Variants in OR2M3 observed in about 807,000 individuals in gnomAD.
OR2M3 encodes the protein olfactory receptor family 2 subfamily M member 3.
In OR2M3, 1 loss-of-function variant was observed where a neutral mutation model predicts 4.3. The observed-to-expected ratio is 0.23, with a 90% CI of 0.08 to 1.11. The LOEUF is 1.11. Among genes scored for constraint, OR2M3 ranks in the 50% most tolerant of loss-of-function variants. The pLI is 0.54. For missense variants in OR2M3, 410 were observed against 390.4 expected (o/e 1.05, Z -0.42); for synonymous variants, 151 against 139.4 (o/e 1.08, Z -0.59).
intron 1 of OR2M3, among the ~76,000 whole-genome samples, chr1:248,201,802 G>T (rs1044584285): frequency 6.6e-6 from 1 of 152,034 alleles, no homozygotes; most frequent in Non-Finnish European, 1.5e-5. Flanking sequence ...TGCATAGAAT[G>T]ATGAGGCTGC....
In OR2M3 at chr1:248,208,753, C is replaced by G. The variant is rs958729564; in HGVS notation, c.*4747C>G. On this transcript the variant is annotated 3_prime_UTR_variant, in exon 2 of 2. Coordinates refer to ENST00000641626, the MANE Select transcript of OR2M3 (RefSeq NM_001004689.2). ...CAGGTTACCTGATGCTTTTCTCTCACGGCTGACATTTTTTCCTTTGCCTTG... is the reference window on the plus strand; with the variant it reads ...CAGGTTACCTGATGCTTTTCTCTCAGGGCTGACATTTTTTCCTTTGCCTTG... 2 of 152,118 alleles carry G rather than the reference C, an allele frequency of 1.3e-5. No individual in the cohort carries two copies. Among genetic ancestry groups the G allele is most frequent in the Admixed American group, 6.6e-5 (1 of 15,262 alleles). 9.4% of individuals were successfully genotyped at this position (152,118 alleles called of 1,614,324 possible).
intron 1 of OR2M3, among the ~76,000 whole-genome samples, chr1:248,199,071 A>G (rs1302946541): frequency 6.6e-6 from 1 of 152,170 alleles, no homozygotes; most frequent in Non-Finnish European, 1.5e-5. Context: ...ATACATAAAA[A>G]TAATTTTTAA....
intron 1 of OR2M3, among the ~76,000 whole-genome samples, chr1:248,201,728 GAA>G (rs1384044397): frequency 6.6e-6 from 1 of 151,934 alleles, no homozygotes; most frequent in Non-Finnish European, 1.5e-5. Context: ...AGTTTACTGA[GAA>G]TGATGATTTC....
At chr1:248,202,057 T>C (rs1666163726) in intron 1 of OR2M3, among the ~76,000 whole-genome samples, 1 of 152,144 alleles carries the variant, frequency 6.6e-6, no homozygotes, top group African/African-American at 2.4e-5. Context: ...CAATACAGTA[T>C]CACAAACTGG....
Position 248,212,739 on chromosome 1 carries a change from G to C in OR2M3, c.*8733G>C, listed in dbSNP as rs1666294468. ...GCTGGCTATGAAAAACAGAAACCAGGCTCCTGTCTTTGTTTCCAGTCTCAC... is the reference window on the plus strand; with the variant it reads ...GCTGGCTATGAAAAACAGAAACCAGCCTCCTGTCTTTGTTTCCAGTCTCAC... On this transcript the variant is annotated 3_prime_UTR_variant, in exon 2 of 2. Transcript: ENST00000641626. 1 of 151,828 alleles carries C rather than the reference G, an allele frequency of 6.6e-6. No homozygotes were observed. The highest frequency in any genetic ancestry group is 2.4e-5 in the African/African-American group (1 of 41,334). The allele number at this position is 151,828 out of a possible 1,614,324, so 9.4% of individuals were successfully genotyped here.
rs1666211511 is a variant in OR2M3, at chr1:248,205,138, A to G, written c.*1132A>G. 6.6e-6 allele frequency: 1 copy of G among 151,628 alleles called. No individual in the cohort carries two copies. The highest frequency in any genetic ancestry group is 1.9e-4 in the East Asian group (1 of 5,178). The allele number at this position is 151,628 out of a possible 1,614,324, so 9.4% of individuals were successfully genotyped here. The stretch of plus-strand genomic sequence containing the variant: ...CCTAGGCCCACTTTTTGATGGGATC[A>G]TTTGTTTTCTTCTTGCTGATTTGTT... On this transcript the variant is annotated 3_prime_UTR_variant, in exon 2 of 2. Coordinates refer to ENST00000641626, the MANE Select transcript of OR2M3 (RefSeq NM_001004689.2).
Position 248,204,099 on chromosome 1 carries a change from T to G in OR2M3, c.*93T>G. On this transcript the variant is annotated 3_prime_UTR_variant, in exon 2 of 2. Coordinates refer to ENST00000641626, the MANE Select transcript of OR2M3 (RefSeq NM_001004689.2). ...TAAGCCTTGAAAATGGGATTCATTG[T>G]GTACATAAATCTGCAATGACATATT... The G allele has an allele frequency of 1.7e-6, 2 of 1,209,552 alleles. No individual in the cohort carries two copies. The highest frequency in any genetic ancestry group is 2.4e-6 in the Non-Finnish European group (2 of 834,056). 74.9% of individuals were successfully genotyped at this position (1,209,552 alleles called of 1,614,324 possible).
At position 248,203,306 on chromosome 1, in the gene OR2M3, A is replaced by G; in HGVS notation, c.239A>G (p.Lys80Arg). The G allele has an allele frequency of 6.2e-7, 1 of 1,614,072 alleles. No homozygotes were observed. Among genetic ancestry groups the G allele is most frequent in the Non-Finnish European group, 8.5e-7 (1 of 1,180,000 alleles). Reference sequence around the variant, plus strand: ...ATGCTCATCTGCACCACCGTACCCAAGATGGCCTTCAACTACCTGTCTGGC... The same window carrying G: ...ATGCTCATCTGCACCACCGTACCCAGGATGGCCTTCAACTACCTGTCTGGC... ...DLMLICTTVPKMAFNYLSGSK... is the reference protein window; with the variant it reads ...DLMLICTTVPRMAFNYLSGSK... The change falls in exon 2 of 2, where the codon AAG becomes AGG. Residue 80 changes from lysine to arginine, a missense_variant. Coordinates refer to ENST00000641626, the MANE Select transcript of OR2M3 (RefSeq NM_001004689.2).
In OR2M3 at chr1:248,197,925, AT is replaced by A. The variant is rs376040720; in HGVS notation, c.-19+625del. Among the ~76,000 whole-genome samples the A allele has an allele frequency of 2.6e-4, 40 of 152,208 alleles. No homozygotes were observed. In the East Asian group the frequency reaches 5.4e-3, roughly 21 times the overall value. ...TTACACTTGGTTCTATTCCAAAAAA[AT>A]CTCATTATTAGCTATGCAGATATTC... On this transcript the variant is annotated intron_variant, in intron 1 of 1. Transcript: ENST00000641626.
Position 248,203,830 on chromosome 1 carries a change from G to A in OR2M3, c.763G>A (p.Ala255Thr), listed in dbSNP as rs1256475831. 1 of 1,613,376 alleles carries A rather than the reference G, an allele frequency of 6.2e-7. No individual in the cohort carries two copies. Among genetic ancestry groups the A allele is most frequent in the African/African-American group, 1.3e-5 (1 of 74,806 alleles). ...GGTGGTGGGAATGTACTATGGAGCA[G>A]CTTTGTTCATGTACATACGGCCCAC... ...LLVVGMYYGA[A>T]LFMYIRPTSD... The change falls in exon 2 of 2, where the codon GCT (alanine) becomes ACT (threonine). Residue 255 changes from alanine (A) to threonine (T), a missense_variant. By Grantham distance (58) the Ala-to-Thr change is moderately conservative. Coordinates refer to ENST00000641626, the MANE Select transcript of OR2M3 (RefSeq NM_001004689.2).
rs1488702916 is a variant in OR2M3, at chr1:248,206,459, C to A, written c.*2453C>A. 1 of 151,458 alleles carries A rather than the reference C, an allele frequency of 6.6e-6. No homozygotes were observed. Among genetic ancestry groups the A allele is most frequent in the African/African-American group, 2.4e-5 (1 of 41,310 alleles). The allele number at this position is 151,458 out of a possible 1,614,324, so 9.4% of individuals were successfully genotyped here. A position where few individuals can be genotyped will look rare whatever the true frequency, so the allele number is the denominator to read the frequency against. ...ATTTCTCATAGAAGGCTTTGATTAC[C>A]TTAACGTCACCTCTATGTCCCTTCG... On this transcript the variant is annotated 3_prime_UTR_variant, in exon 2 of 2. Transcript: ENST00000641626.
rs4328104 is a variant in OR2M3, at chr1:248,210,024, A to G, written c.*6018A>G. On this transcript the variant is annotated 3_prime_UTR_variant, in exon 2 of 2. Transcript: ENST00000641626. Reference sequence around the variant, plus strand: ...GGCTTGCTGCTGCTGCTGCTGTGGCAGATGGGGGTGTGGTTTCCAGTCCAT... The same window carrying G: ...GGCTTGCTGCTGCTGCTGCTGTGGCGGATGGGGGTGTGGTTTCCAGTCCAT... 125,156 of 152,724 alleles carry G rather than the reference A, an allele frequency of 0.82. 51,612 individuals carry two copies. Among genetic ancestry groups the G allele is most frequent in the African/African-American group, 0.91 (37,733 of 41,480 alleles). 9.5% of individuals were successfully genotyped at this position (152,724 alleles called of 1,614,324 possible). A position where few individuals can be genotyped will look rare whatever the true frequency, so the allele number is the denominator to read the frequency against.
In OR2M3 at chr1:248,212,588, T is replaced by A. The variant is rs1666293058; in HGVS notation, c.*8582T>A. ...TTTCTAACTTAGTTTTTTTTTCTTT[T>A]TCTTGGTCTGGTATTAAAGAAGCAT... On this transcript the variant is annotated 3_prime_UTR_variant, in exon 2 of 2. Coordinates refer to ENST00000641626, the MANE Select transcript of OR2M3 (RefSeq NM_001004689.2). 1 of 152,068 alleles carries A rather than the reference T, an allele frequency of 6.6e-6. No homozygotes were observed. The highest frequency in any genetic ancestry group is 6.5e-5 in the Admixed American group (1 of 15,272). 9.4% of individuals were successfully genotyped at this position (152,068 alleles called of 1,614,324 possible). A position where few individuals can be genotyped will look rare whatever the true frequency, so the allele number is the denominator to read the frequency against.
At position 248,203,895 on chromosome 1, in the gene OR2M3, A is replaced by G. The variant is rs774122062; in HGVS notation, c.828A>G (p.Val276=). 29 of 1,613,774 alleles carry G rather than the reference A, an allele frequency of 1.8e-5. No individual in the cohort carries two copies. In the African/African-American group the frequency reaches 3.3e-4, roughly 19 times the overall value. ...CAACACAGGACAAGATGGTGTCTGT[A>G]TTCTACACCATCCTCACTCCCATGT... ...RSPTQDKMVS[V]FYTILTPMLN... The change falls in exon 2 of 2, where the codon GTA becomes GTG. Residue 276 remains valine (V), a synonymous_variant. Coordinates refer to ENST00000641626, the MANE Select transcript of OR2M3 (RefSeq NM_001004689.2).
chr1:248,202,969 A>G (rs892844353), intron 1 of OR2M3, 81 bp from the exon 2 acceptor site: 1 of 1,267,756 alleles, frequency 7.9e-7, no homozygotes. Context: ...TCACCCAACT[A>G]CAGAAGTTAC....
At chr1:248,201,928 G>A (rs1009561921) in intron 1 of OR2M3, among the ~76,000 whole-genome samples, 21 of 152,104 alleles carry the variant, frequency 1.4e-4, no homozygotes, top group Admixed American at 5.2e-4. Context: ...TGGTCAACAC[G>A]TAGCCAGGCT....
In OR2M3 at chr1:248,211,693, T is replaced by C. The variant is rs1195160811; in HGVS notation, c.*7687T>C. ...GGGCCTGCTAATCTCTCAGGGCCCA[T>C]GCGAAATCTATCTCAATCAAAAGTG... On this transcript the variant is annotated 3_prime_UTR_variant, in exon 2 of 2. Coordinates refer to ENST00000641626, the MANE Select transcript of OR2M3 (RefSeq NM_001004689.2). 1 of 152,190 alleles carries C rather than the reference T, an allele frequency of 6.6e-6. No homozygotes were observed. The highest frequency in any genetic ancestry group is 2.4e-5 in the African/African-American group (1 of 41,528). The allele number at this position is 152,190 out of a possible 1,614,324, so 9.4% of individuals were successfully genotyped here. A position where few individuals can be genotyped will look rare whatever the true frequency, so the allele number is the denominator to read the frequency against.
At position 248,205,297 on chromosome 1, in the gene OR2M3, T is replaced by C. The variant is rs947719996; in HGVS notation, c.*1291T>C. 1 of 152,134 alleles carries C rather than the reference T, an allele frequency of 6.6e-6. No individual in the cohort carries two copies. The highest frequency in any genetic ancestry group is 1.5e-5 in the Non-Finnish European group (1 of 68,004). 9.4% of individuals were successfully genotyped at this position (152,134 alleles called of 1,614,324 possible). ...CAGTGCAAAAGGTCTTTAGTTTAAT[T>C]AGTTCCCAGCTATTTATCTTTGTTT... On this transcript the variant is annotated 3_prime_UTR_variant, in exon 2 of 2. Transcript: ENST00000641626.
rs531125024 is a variant in OR2M3 at position 248,207,250 on chromosome 1, A to G, written c.*3244A>G. ...TCTATCAACTTTATTCGTCTTTTTA[A>G]AGAACTAGCTTTTTGTTTCATTTAT... is the stretch of plus-strand genomic sequence containing the variant. On this transcript the variant is annotated 3_prime_UTR_variant, in exon 2 of 2. Coordinates refer to ENST00000641626, the MANE Select transcript of OR2M3 (RefSeq NM_001004689.2). 2.6e-5 allele frequency: 4 copies of G among 152,020 alleles called. No individual in the cohort carries two copies. In the South Asian group the frequency reaches 8.3e-4, roughly 32 times the overall value. 9.4% of individuals were successfully genotyped at this position (152,020 alleles called of 1,614,324 possible).
Sources: allele counts gnomAD v4.1 joint callset (sites outside exome capture counted in the v4.1 genomes callset), GRCh38; gene constraint gnomAD v4.1.1; transcripts MANE v1.5; gene names NCBI Gene and HGNC (gene_info 2026-07-23, HGNC 2026-07-21).